Variants in GLI2 observed in about 807,000 individuals in gnomAD.
GLI2 encodes transcription activator GLI2.
GLI2 carries 22 observed loss-of-function variants against 78.9 expected under a neutral mutation model. That is an observed-to-expected ratio of 0.28 (90% CI 0.20 to 0.40). GLI2 has a LOEUF of 0.40. Ranked by LOEUF, GLI2 falls within the 10% of genes least tolerant of loss-of-function variation. The pLI, the probability that GLI2 is intolerant of heterozygous loss-of-function variation, is 1.00. For missense variants in GLI2, 2,097 were observed against 2,213.2 expected (o/e 0.95, Z 1.05); for synonymous variants, 974 against 963.7 (o/e 1.01, Z -0.20).
At chr2:120,884,310 G>A (rs747964249) in intron 2 of GLI2, among the ~76,000 whole-genome samples, 4 of 152,204 alleles carry the variant, frequency 2.6e-5, no homozygotes, top group Middle Eastern at 3.2e-3. Context: ...AGGGGAGAGC[G>A]TAGGTAAAGG....
intron 2 of GLI2, among the ~76,000 whole-genome samples, chr2:120,894,914 G>A (rs1312584835): frequency 1.3e-5 from 2 of 152,346 alleles, no homozygotes; most frequent in Middle Eastern, 3.4e-3. Context: ...GACCAGGCTT[G>A]TCTTGAACTC....
At chr2:120,844,409 C>A (rs1419538031) in intron 2 of GLI2, among the ~76,000 whole-genome samples, 2 of 152,184 alleles carry the variant, frequency 1.3e-5, no homozygotes, top group Non-Finnish European at 2.9e-5. Context: ...TACTTGGGTA[C>A]AAGCTCCATT....
chr2:120,849,667 C>T (rs995199113), intron 2 of GLI2, among the ~76,000 whole-genome samples: 2 of 152,344 alleles, frequency 1.3e-5, no homozygotes, highest in East Asian at 1.9e-4. Context: ...ACCAAGTTTC[C>T]AGTCCCTCTT....
chr2:120,834,744 C>T (rs1356763382), intron 2 of GLI2, among the ~76,000 whole-genome samples: 1 of 152,146 alleles, frequency 6.6e-6, no homozygotes, highest in African/African-American at 2.4e-5. Flanking sequence ...GTTTCAGATG[C>T]CTGTGTCCCC....
intron 1 of GLI2, among the ~76,000 whole-genome samples, chr2:120,763,746 G>C (rs1028696627): frequency 6.6e-6 from 1 of 152,260 alleles, no homozygotes; most frequent in South Asian, 2.1e-4. Context: ...AAGCATTGCC[G>C]GGTTCTCAGG....
chr2:120,756,076 T>G (rs1185478042), intron 1 of GLI2, among the ~76,000 whole-genome samples: 4 of 152,206 alleles, frequency 2.6e-5, no homozygotes, highest in African/African-American at 9.6e-5. Context: ...TTCATATGAA[T>G]TTTGGAATCA....
At chr2:120,776,356 C>T (rs935712807) in intron 1 of GLI2, among the ~76,000 whole-genome samples, 1 of 152,162 alleles carries the variant, frequency 6.6e-6, no homozygotes, top group East Asian at 1.9e-4. Flanking sequence ...AAAGGGAGGC[C>T]CAGTGGGCTC....
Position 120,986,448 on chromosome 2 carries a change from G to A in GLI2, c.2076G>A (p.Leu692=), listed in dbSNP as rs1180628846. The change falls in exon 13 of 14, where the codon CTG becomes CTA. Residue 692 remains leucine (L), a synonymous_variant. Coordinates refer to ENST00000361492, the MANE Select transcript of GLI2 (RefSeq NM_001374353.1). ...CCCCAGGGGCCGACACCTCAGCCCT[G>A]GCTGCCCCCTCCGCTGGTGGCCTCC... ...DTPPGADTSA[L]AAPSAGGLQL... The A allele has an allele frequency of 6.2e-7, 1 of 1,613,832 alleles. No homozygotes were observed. The highest frequency in any genetic ancestry group is 8.5e-7 in the Non-Finnish European group (1 of 1,180,024).
At chr2:120,736,406 G>C (rs1382433739) in intron 1 of GLI2, 121 bp downstream of exon 1, 1 of 152,110 alleles carries the variant, frequency 6.6e-6, no homozygotes, top group African/African-American at 2.4e-5. Flanking sequence ...GGGTACCGGC[G>C]CCTAGGCCTT....
chr2:120,971,630 T>C (rs1682176394), intron 7 of GLI2, among the ~76,000 whole-genome samples: 1 of 152,198 alleles, frequency 6.6e-6, no homozygotes, highest in African/African-American at 2.4e-5. Flanking sequence ...GGCTGAGAAG[T>C]TGAGCCTGGT....
intron 2 of GLI2, among the ~76,000 whole-genome samples, chr2:120,825,965 C>T (rs1390031657): frequency 6.6e-6 from 1 of 152,218 alleles, no homozygotes; most frequent in African/African-American, 2.4e-5. Context: ...CCAGCAGTGT[C>T]CCAGGGAGGG....
Position 120,988,229 on chromosome 2 carries a change from G to C in GLI2, c.2264G>C (p.Ser755Thr), listed in dbSNP as rs746742181. The change falls in exon 14 of 14, where the codon AGT becomes ACT. Residue 755 changes from serine to threonine, a missense_variant. Physicochemically the swap from Ser to Thr is moderately conservative, Grantham distance 58. Around this residue, in one of 5 missense-constraint regions of GLI2, gnomAD observed 1,290 missense variants for 1,261.7 expected, o/e 1.02. Coordinates refer to ENST00000361492, the MANE Select transcript of GLI2 (RefSeq NM_001374353.1). Reference protein sequence around the residue: ...PGSGSILENFSGSGGGGPAGL... With the variant: ...PGSGSILENFTGSGGGGPAGL... ...GCAGGCTCCATCCTGGAAAACTTCA[G>C]TGGCAGTGGGGGCGGCGGGCCCGCG... The C allele has an allele frequency of 1.3e-6, 2 of 1,590,930 alleles. No homozygotes were observed. The highest frequency in any genetic ancestry group is 2.3e-5 in the East Asian group (1 of 43,440).
chr2:120,956,085 C>T (rs1681247219), intron 5 of GLI2, among the ~76,000 whole-genome samples: 1 of 152,084 alleles, frequency 6.6e-6, no homozygotes, highest in Non-Finnish European at 1.5e-5. Context: ...GAAGGAATCT[C>T]CTTCCGTGCT....
intron 2 of GLI2, among the ~76,000 whole-genome samples, chr2:120,804,133 T>C (rs923751720): frequency 7.9e-5 from 12 of 152,216 alleles, no homozygotes; most frequent in African/African-American, 2.9e-4. Context: ...ATGGGAATGC[T>C]GTGCAAATAG....
chr2:120,790,551 C>T (rs1212757392), intron 1 of GLI2, among the ~76,000 whole-genome samples: 4 of 151,950 alleles, frequency 2.6e-5, no homozygotes, highest in Non-Finnish European at 5.9e-5. Flanking sequence ...TAGGAGCTTG[C>T]GGTTCCCCTC....
In GLI2 at chr2:120,737,187, G is replaced by A. The variant is rs1234302520; in HGVS notation, c.-31+902G>A. On this transcript the variant is annotated intron_variant, in intron 1 of 13. Transcript: ENST00000361492. The surrounding 1 kb of genome is among the most constrained non-coding windows in gnomAD (Gnocchi z 4.3). ...AGAGGGGAGTCTTTTCCCCGGACGG[G>A]GCGGGGGCGGGGAGCTGGGAGGGAG... is the stretch of plus-strand genomic sequence containing the variant. Among the ~76,000 whole-genome samples the A allele has an allele frequency of 3.9e-5, 6 of 152,210 alleles. No individual in the cohort carries two copies. Among genetic ancestry groups the A allele is most frequent in the Non-Finnish European group, 7.3e-5 (5 of 68,034 alleles).
rs138571150 is a variant in GLI2 at position 120,928,279 on chromosome 2, C to T, written c.254+813C>T. The stretch of plus-strand genomic sequence containing the variant: ...CCCCTCACCTGTTCATGCCAAGGTG[C>T]TGTCTGTGGTTCTGTCCCATGTCTC... On this transcript the variant is annotated intron_variant, in intron 3 of 13. Coordinates refer to ENST00000361492, the MANE Select transcript of GLI2 (RefSeq NM_001374353.1). 2.5e-3 allele frequency among the ~76,000 whole-genome samples: 376 copies of T among 152,276 alleles called. 2 individuals are homozygous for T. Among genetic ancestry groups the T allele is most frequent in the African/African-American group, 8.4e-3 (349 of 41,546 alleles).
chr2:120,798,318 T>C (rs1684511786), intron 2 of GLI2, among the ~76,000 whole-genome samples: 1 of 152,148 alleles, frequency 6.6e-6, no homozygotes, highest in Non-Finnish European at 1.5e-5. Flanking sequence ...CTTGTTTTGG[T>C]GGAGACCCCG....
chr2:120,852,472 A>G (rs1687453160), intron 2 of GLI2, among the ~76,000 whole-genome samples: 1 of 152,126 alleles, frequency 6.6e-6, no homozygotes. Flanking sequence ...CCCAGATGAT[A>G]TGTCGTGTCC....
Sources: allele counts gnomAD v4.1 joint callset (sites outside exome capture counted in the v4.1 genomes callset), GRCh38; gene constraint gnomAD v4.1.1; regional missense constraint gnomAD v4.1.1; non-coding constraint Gnocchi (gnomAD v3.1); transcripts MANE v1.5; gene names NCBI Gene and HGNC (gene_info 2026-07-23, HGNC 2026-07-21).